SLC22A8: variants seen among roughly 807,000 people sequenced by gnomAD.
The protein encoded by SLC22A8 is organic anion transporter 3.
SLC22A8 carries 40 observed loss-of-function variants against 48.4 expected under a neutral mutation model. That is an observed-to-expected ratio of 0.83 (90% confidence interval 0.64 to 1.08). SLC22A8 has a LOEUF of 1.08. Among genes scored for constraint, SLC22A8 ranks in the 50% least tolerant of loss-of-function variants. The pLI, the probability that SLC22A8 is intolerant of heterozygous loss-of-function variation, is 0.00. For synonymous variants in SLC22A8, 268 were observed against 286.3 expected (o/e 0.94, Z 0.65); for missense variants, 606 against 699.0 (o/e 0.87, Z 1.50).
At chr11:63,008,365 G>A (rs1220699227) in intron 2 of SLC22A8, among the ~76,000 whole-genome samples, 1 of 152,190 alleles carries the variant, frequency 6.6e-6, no homozygotes, top group Non-Finnish European at 1.5e-5. Context: ...GTCTAGCTTA[G>A]GGGAGAATTG....
chr11:62,999,022 A>G lies in SLC22A8; in HGVS notation c.660T>C (p.Phe220=). The G allele has an allele frequency of 6.2e-7, 1 of 1,614,222 alleles. No homozygotes were observed. Among genetic ancestry groups the G allele is most frequent in the South Asian group, 1.1e-5 (1 of 91,088 alleles). ...CCAGGCCGGGCAGAATGAACTGGCC[A>G]AAGGTGTAGCAGTACCCGAGTGCTG... ...MSTALGYCYT[F]GQFILPGLAY... Residue 220 remains phenylalanine, a synonymous_variant, in exon 5 of 11, where the codon TTT becomes TTC. Transcript: ENST00000336232.
In SLC22A8 at chr11:63,015,795, G is replaced by C. The variant is rs1187780412; in HGVS notation, c.-92C>G. 6.6e-6 allele frequency: 1 copy of C among 152,460 alleles called. No individual in the cohort carries two copies. Among genetic ancestry groups the C allele is most frequent in the South Asian group, 2.1e-4 (1 of 4,838 alleles). 9.4% of individuals were successfully genotyped at this position (152,460 alleles called of 1,614,324 possible). A position where few individuals can be genotyped will look rare whatever the true frequency, so the allele number is the denominator to read the frequency against. Reference sequence around the variant, plus strand: ...TAGTTGAGGTCCCTGCTCTGTCCTAGGGGCCGGCAGCTGCTGTAGTAGGGC... The same window carrying C: ...TAGTTGAGGTCCCTGCTCTGTCCTACGGGCCGGCAGCTGCTGTAGTAGGGC... On this transcript the variant is annotated 5_prime_UTR_variant, in exon 1 of 11. Transcript: ENST00000336232.
intron 2 of SLC22A8, among the ~76,000 whole-genome samples, chr11:63,011,907 A>T (rs2086623258): frequency 6.6e-6 from 1 of 151,298 alleles, no homozygotes. Flanking sequence ...CTCTAGCTCC[A>T]TGTCTGGGGA....
chr11:63,000,923 G>T lies in SLC22A8; in HGVS notation c.334-100C>A. ...ATACATGTGGGCTTCCTCTCCCAGC[G>T]CCCTGACTTTGCCCCTACCTCCCAA... On this transcript the variant is annotated intron_variant, in intron 2 of 10. Transcript: ENST00000336232. 4 of 891,406 alleles carry T rather than the reference G, an allele frequency of 4.5e-6. No homozygotes were observed. The South Asian group carries it at 5.7e-5, about 13-fold the overall frequency. The allele number at this position is 891,406 out of a possible 1,614,324, so 55.2% of individuals were successfully genotyped here.
chr11:63,015,342 A>G (rs964737185), intron 1 of SLC22A8, among the ~76,000 whole-genome samples: 3 of 152,222 alleles, frequency 2.0e-5, no homozygotes, highest in African/African-American at 4.8e-5. Context: ...GGACACGAGC[A>G]TGTGTGTGCT....
intron 1 of SLC22A8, 102 bp downstream of exon 1, chr11:63,015,627 G>A (rs1321977262): frequency 6.6e-6 from 1 of 152,428 alleles, no homozygotes; most frequent in Admixed American, 6.5e-5. Context: ...GCAGGTCTCA[G>A]AGGGCACTAG....
At chr11:63,004,770 G>C in intron 2 of SLC22A8, among the ~76,000 whole-genome samples, 1 of 152,184 alleles carries the variant, frequency 6.6e-6, no homozygotes, top group East Asian at 1.9e-4. Context: ...ATCAAGAACA[G>C]TATCCGATAC....
At chr11:62,993,380 T>C (rs540094912) in intron 10 of SLC22A8, 44 bp from the exon 11 acceptor site, 2 of 1,612,554 alleles carry the variant, frequency 1.2e-6, no homozygotes, top group East Asian at 2.2e-5. Context: ...CCAGACCTGC[T>C]TCCCCAGGGA....
intron 2 of SLC22A8, among the ~76,000 whole-genome samples, chr11:63,002,947 C>G (rs1358314584): frequency 6.6e-6 from 1 of 152,188 alleles, no homozygotes; most frequent in Non-Finnish European, 1.5e-5. Context: ...CTGCAGCAAC[C>G]TCTTGACAGG....
chr11:62,998,417 ACTCCAGCAGTCCCCAATT>A (rs1269140521), intron 5 of SLC22A8, among the ~76,000 whole-genome samples: 2 of 151,464 alleles, frequency 1.3e-5, no homozygotes, highest in African/African-American at 4.9e-5. Context: ...TTGTACTTCG[ACTCCAGCAGTCCCCAATT>A]CTCCAGATTC....
chr11:63,014,694 G>C lies in SLC22A8; in HGVS notation c.265C>G (p.Gln89Glu). 6.2e-7 allele frequency: 1 copy of C among 1,613,980 alleles called. No individual in the cohort carries two copies. Among genetic ancestry groups the C allele is most frequent in the Non-Finnish European group, 8.5e-7 (1 of 1,179,894 alleles). ...TCCAGGCATGGCTCCATGGCCCTCT[G>C]GGTGTCATTGGGCAGGCTGGCATTG... ...PPNASLPNDT[Q>E]RAMEPCLDGW... Residue 89 changes from glutamine to glutamate, a missense_variant, in exon 2 of 11, where the codon CAG becomes GAG. Transcript: ENST00000336232.
At chr11:63,004,170 A>G (rs2086529377) in intron 2 of SLC22A8, among the ~76,000 whole-genome samples, 1 of 152,208 alleles carries the variant, frequency 6.6e-6, no homozygotes, top group Non-Finnish European at 1.5e-5. Flanking sequence ...CTTGGTTTCT[A>G]CCATGATACT....
At chr11:62,997,445 G>C (rs2086436076) in intron 5 of SLC22A8, among the ~76,000 whole-genome samples, 1 of 151,896 alleles carries the variant, frequency 6.6e-6, no homozygotes, top group African/African-American at 2.4e-5. Flanking sequence ...AGGCTGGTCT[G>C]AAACTCCTGA....
intron 2 of SLC22A8, among the ~76,000 whole-genome samples, chr11:63,005,449 A>G (rs1259525342): frequency 6.6e-6 from 1 of 152,228 alleles, no homozygotes; most frequent in East Asian, 1.9e-4. Context: ...CAGATCTGAG[A>G]TCTGCAACTG....
intron 5 of SLC22A8, 30 bp from the exon 6 acceptor site, chr11:62,996,182 C>T: frequency 1.3e-6 from 2 of 1,568,030 alleles, no homozygotes; most frequent in South Asian, 2.4e-5. Flanking sequence ...CACAGTGGCT[C>T]CTCCCACTCC....
At chr11:63,011,805 ACAC>A (rs1436373305) in intron 2 of SLC22A8, among the ~76,000 whole-genome samples, 1 of 152,092 alleles carries the variant, frequency 6.6e-6, no homozygotes, top group Non-Finnish European at 1.5e-5. Flanking sequence ...CTCCTGCTTA[ACAC>A]CACCACAGTC....
chr11:62,993,332 G>A lies in SLC22A8; in HGVS notation c.1534C>T (p.Leu512=), dbSNP rs778959325. 5 of 1,613,890 alleles carry A rather than the reference G, an allele frequency of 3.1e-6. No individual in the cohort carries two copies. Among genetic ancestry groups the A allele is most frequent in the African/African-American group, 1.3e-5 (1 of 74,920 alleles). ...ETIEDLENWS[L]RAKKPKQEPE... ...TCCTGCTTTGGCTTCTTTGCCCGCA[G>A]GGACCTAGGGACAGAGAGCTAAGGA... Residue 512 remains leucine (L), a synonymous_variant, in exon 11 of 11, where the codon CTG becomes TTG. Transcript: ENST00000336232.
In SLC22A8 at chr11:62,994,522, G is replaced by T. The variant is rs761830630; in HGVS notation, c.1216+20C>A. ...TGGCAGCCTCTTCCAGAGGGTTCTG[G>T]GGTAGCCCCAGTCTCTCACCCAAGG... On this transcript the variant is annotated intron_variant, in intron 8 of 10. Coordinates refer to ENST00000336232, the MANE Select transcript of SLC22A8 (RefSeq NM_004254.4). The T allele has an allele frequency of 3.2e-6, 5 of 1,568,316 alleles. No individual in the cohort carries two copies. The East Asian group carries it at 1.2e-4, about 36-fold the overall frequency.
chr11:62,999,885 G>A, intron 3 of SLC22A8, 43 bp from the exon 4 acceptor site: 1 of 1,424,872 alleles, frequency 7.0e-7, no homozygotes, highest in Non-Finnish European at 9.3e-7. Context: ...GCCACAGTGT[G>A]CCTGCCAAGA....
Sources: allele counts gnomAD v4.1 joint callset (sites outside exome capture counted in the v4.1 genomes callset), GRCh38; gene constraint gnomAD v4.1.1; transcripts MANE v1.5; gene names NCBI Gene and HGNC (gene_info 2026-07-23, HGNC 2026-07-21).